AMMECR1: variants seen among roughly 807,000 people sequenced by gnomAD.
AMMECR1 encodes the protein nuclear protein AMMECR1.
Under a neutral mutation model 22.5 loss-of-function variants are expected in AMMECR1, and 3 were observed. The ratio of observed to expected loss-of-function variants is 0.13; its 90% CI spans 0.06 to 0.35. The LOEUF (loss-of-function observed/expected upper bound fraction) is 0.35, where lower values mean the gene tolerates loss of function less well. Among genes scored for constraint, AMMECR1 ranks in the 10% least tolerant of loss-of-function variants. The pLI is 1.00. For synonymous variants in AMMECR1, 130 were observed against 116.7 expected, an observed-to-expected ratio of 1.11 and a Z score of -0.74; for missense variants, 235 against 278.7, an observed-to-expected ratio of 0.84 and a Z score of 1.12.
At chrX:110,409,535 G>T (rs866732435) in intron 2 of AMMECR1, among the ~76,000 whole-genome samples, 9 of 111,553 alleles carry the variant, frequency 8.1e-5, no homozygotes, top group South Asian at 3.8e-4. Flanking sequence ...AATGAGGCTC[G>T]AGTATTGTAC....
At chrX:110,236,366 A>G (rs1358224146) in intron 2 of AMMECR1, among the ~76,000 whole-genome samples, 2 of 111,313 alleles carry the variant, frequency 1.8e-5, no homozygotes, top group Non-Finnish European at 3.8e-5. Context: ...ACTAAGTCAC[A>G]TTCCAGAAAT....
At chrX:110,400,512 T>C (rs938943704) in intron 2 of AMMECR1, among the ~76,000 whole-genome samples, 1 of 110,742 alleles carries the variant, frequency 9.0e-6, no homozygotes, top group Admixed American at 9.7e-5. Context: ...TGACTCCTCC[T>C]ACAGTGTAAT....
At chrX:110,437,722 G>A (rs1369071477) in intron 1 of AMMECR1, among the ~76,000 whole-genome samples, 1 of 111,277 alleles carries the variant, frequency 9.0e-6, no homozygotes, top group African/African-American at 3.3e-5. Context: ...GTGGGAAGGG[G>A]GTCTCAAAAG....
chrX:110,401,421 C>T (rs745966406), intron 2 of AMMECR1, among the ~76,000 whole-genome samples: 1 of 111,957 alleles, frequency 8.9e-6, no homozygotes, highest in East Asian at 2.8e-4. Flanking sequence ...CCTAACTCCT[C>T]TAAGACCTTG....
chrX:110,422,312 C>T (rs1364197576), intron 2 of AMMECR1, among the ~76,000 whole-genome samples: 4 of 112,940 alleles, frequency 3.5e-5, no homozygotes, highest in Non-Finnish European at 7.5e-5. Flanking sequence ...CTTTTGTTGT[C>T]CTTACCTGTT....
intron 2 of AMMECR1, among the ~76,000 whole-genome samples, chrX:110,409,688 T>C (rs774385267): frequency 2.0e-4 from 22 of 109,982 alleles, no homozygotes; most frequent in African/African-American, 4.3e-4. Flanking sequence ...ATAATACGTG[T>C]ACTCCTTCCT....
chrX:110,391,351 G>A (rs1436569880), intron 2 of AMMECR1, among the ~76,000 whole-genome samples: 2 of 111,942 alleles, frequency 1.8e-5, no homozygotes, highest in African/African-American at 6.5e-5. Flanking sequence ...CAACCATCAT[G>A]CTTGGGGGCA....
At chrX:110,311,352 C>T (rs1449962458) in intron 1 of AMMECR1, among the ~76,000 whole-genome samples, 2 of 111,873 alleles carry the variant, frequency 1.8e-5, no homozygotes, top group African/African-American at 6.5e-5. Flanking sequence ...TATTAATCTA[C>T]AATCATGTAT....
rs192481891 is a variant in AMMECR1 at position 110,415,465 on chromosome X, A to G, written c.-148+11193T>C. 3.4e-4 allele frequency among the ~76,000 whole-genome samples: 38 copies of G among 110,901 alleles called. No individual in the cohort carries two copies. The East Asian group carries it at 9.9e-3, about 29-fold the overall frequency. ...AAATGTTCTTTAGTGCTGCTTTTGG[A>G]TTGTTTTGGCAATGTAGCAGACATT... On this transcript the variant is annotated intron_variant, in intron 2 of 7. Coordinates refer to the AMMECR1 transcript ENST00000372057.
At chrX:110,286,086 G>A (rs1331692103) in intron 1 of AMMECR1, among the ~76,000 whole-genome samples, 1 of 112,049 alleles carries the variant, frequency 8.9e-6, no homozygotes, top group Non-Finnish European at 1.9e-5. Flanking sequence ...ACTGTTTTCA[G>A]TTGGCAAGAA....
At chrX:110,380,826 T>TA (rs772447604) in intron 2 of AMMECR1, among the ~76,000 whole-genome samples, 4 of 112,045 alleles carry the variant, frequency 3.6e-5, no homozygotes, top group African/African-American at 1.3e-4. Context: ...ACAAAGTTGA[T>TA]AAAAAATAAG....
intron 2 of AMMECR1, among the ~76,000 whole-genome samples, chrX:110,360,865 T>C (rs1367733897): frequency 9.0e-6 from 1 of 111,347 alleles, no homozygotes; most frequent in East Asian, 2.8e-4. Context: ...GAAGAATTGA[T>C]AGGATTTTGT....
chrX:110,269,905 A>C (rs779538760), intron 1 of AMMECR1, among the ~76,000 whole-genome samples: 1 of 112,132 alleles, frequency 8.9e-6, no homozygotes, highest in African/African-American at 3.2e-5. Context: ...GGCATAAACA[A>C]CAGAAATTTA....
At chrX:110,280,995 C>T (rs992938349) in intron 1 of AMMECR1, among the ~76,000 whole-genome samples, 1 of 111,959 alleles carries the variant, frequency 8.9e-6, no homozygotes, top group Non-Finnish European at 1.9e-5. Flanking sequence ...TTTTATAGCT[C>T]TTGATGCATT....
chrX:110,240,464 T>TA (rs1277906060), intron 2 of AMMECR1, among the ~76,000 whole-genome samples: 33 of 95,155 alleles, frequency 3.5e-4, no homozygotes, highest in Admixed American at 6.8e-4. Context: ...CAACAAAGAT[T>TA]AAAAAAAAAA....
chrX:110,439,481 T>C (rs2068863901), intron 1 of AMMECR1, among the ~76,000 whole-genome samples: 2 of 112,229 alleles, frequency 1.8e-5, no homozygotes, highest in African/African-American at 6.5e-5. Flanking sequence ...TTTCAGCAAA[T>C]TGCAGCATAA....
chrX:110,361,323 C>T (rs955764503), intron 2 of AMMECR1, among the ~76,000 whole-genome samples: 1 of 111,678 alleles, frequency 9.0e-6, no homozygotes, highest in East Asian at 2.8e-4. Context: ...TTTTTCATTG[C>T]TACTATCCTG....
At chrX:110,368,881 C>A (rs7883449) in intron 2 of AMMECR1, among the ~76,000 whole-genome samples, 16,966 of 110,964 alleles carry the variant, frequency 0.15, 2,281 homozygotes, top group African/African-American at 0.44. Context: ...TCAGATGGAC[C>A]CAGATATCCT....
chrX:110,297,490 A>G (rs761095525), intron 1 of AMMECR1, among the ~76,000 whole-genome samples: 1 of 111,746 alleles, frequency 8.9e-6, no homozygotes, highest in African/African-American at 3.2e-5. Context: ...CACAGCTACC[A>G]TGGATGCAAG....
Sources: allele counts gnomAD v4.1 joint callset (sites outside exome capture counted in the v4.1 genomes callset), GRCh38; gene constraint gnomAD v4.1.1; transcripts MANE v1.5; gene names NCBI Gene and HGNC (gene_info 2026-07-23, HGNC 2026-07-21).